Variants in TSHZ2 observed in about 807,000 individuals in gnomAD.
TSHZ2 encodes teashirt homolog 2.
A neutral mutation model predicts 74.4 loss-of-function variants in TSHZ2; 21 were observed. The ratio of observed to expected loss-of-function variants is 0.28; its 90% CI spans 0.20 to 0.41. The LOEUF (loss-of-function observed/expected upper bound fraction) is 0.41, where lower values mean the gene tolerates loss of function less well. Ranked by LOEUF, TSHZ2 falls within the 10% of genes least tolerant of loss-of-function variation. The pLI is 1.00. For synonymous variants in TSHZ2, 540 were observed against 515.3 expected (o/e 1.05, Z -0.65); for missense variants, 1,244 against 1,293.5 (o/e 0.96, Z 0.59).
chr20:53,186,651 C>T (rs1265407305), intron 1 of TSHZ2, among the ~76,000 whole-genome samples: 1 of 152,184 alleles, frequency 6.6e-6, no homozygotes, highest in Non-Finnish European at 1.5e-5. Flanking sequence ...TTTCTTTTCA[C>T]CTGCCTGCAG....
intron 1 of TSHZ2, among the ~76,000 whole-genome samples, chr20:53,190,551 C>A (rs1441773654): frequency 6.6e-6 from 1 of 152,050 alleles, no homozygotes; most frequent in Non-Finnish European, 1.5e-5. Flanking sequence ...ACTGTCGAGA[C>A]CTTTAAAAAT....
At chr20:53,305,963 G>A (rs1213717698) in intron 2 of TSHZ2, among the ~76,000 whole-genome samples, 1 of 147,032 alleles carries the variant, frequency 6.8e-6, no homozygotes, top group Non-Finnish European at 1.5e-5. Flanking sequence ...GGGCAGCAGA[G>A]CAAGACTCTG....
At chr20:53,448,067 C>T (rs1215932048) in intron 2 of TSHZ2, among the ~76,000 whole-genome samples, 2 of 152,070 alleles carry the variant, frequency 1.3e-5, no homozygotes, top group Non-Finnish European at 2.9e-5. Context: ...GCACCTGCCA[C>T]CATGCCCCGC....
intron 1 of TSHZ2, among the ~76,000 whole-genome samples, chr20:53,165,036 A>G (rs181825108): frequency 1.3e-5 from 2 of 152,132 alleles, no homozygotes; most frequent in East Asian, 1.9e-4. Flanking sequence ...GCAAACCATT[A>G]CACTTGTCAC....
At chr20:53,453,877 G>A (rs1302378797) in intron 2 of TSHZ2, among the ~76,000 whole-genome samples, 2 of 152,056 alleles carry the variant, frequency 1.3e-5, no homozygotes, top group Non-Finnish European at 2.9e-5. Context: ...ATGACAGACT[G>A]GTTTGGAAGA....
At chr20:53,356,993 G>A (rs1980870728) in intron 2 of TSHZ2, among the ~76,000 whole-genome samples, 1 of 151,952 alleles carries the variant, frequency 6.6e-6, no homozygotes, top group African/African-American at 2.4e-5. Flanking sequence ...TTTTCTCAAG[G>A]GACCTAAAGT....
chr20:53,022,461 G>T (rs1983279980), intron 1 of TSHZ2, among the ~76,000 whole-genome samples: 1 of 152,120 alleles, frequency 6.6e-6, no homozygotes, highest in Admixed American at 6.5e-5. Flanking sequence ...ATCAAATTGG[G>T]CCAAAGTTTC....
intron 2 of TSHZ2, among the ~76,000 whole-genome samples, chr20:53,466,759 G>T (rs1391564311): frequency 1.3e-5 from 2 of 152,222 alleles, no homozygotes; most frequent in East Asian, 3.9e-4. Context: ...TCTCTCCATT[G>T]TCAGGATGTT....
chr20:53,223,747 A>G (rs1326615902), intron 1 of TSHZ2, among the ~76,000 whole-genome samples: 1 of 152,090 alleles, frequency 6.6e-6, no homozygotes, highest in Non-Finnish European at 1.5e-5. Context: ...GAGATGAGAA[A>G]AGGATTGTTA....
At chr20:53,314,524 A>G (rs917277811) in intron 2 of TSHZ2, among the ~76,000 whole-genome samples, 3 of 151,972 alleles carry the variant, frequency 2.0e-5, no homozygotes, top group Non-Finnish European at 2.9e-5. Flanking sequence ...GAGGTCAAAG[A>G]AGTCCTCAGC....
chr20:53,018,491 G>A (rs1160694959), intron 1 of TSHZ2, among the ~76,000 whole-genome samples: 1 of 152,140 alleles, frequency 6.6e-6, no homozygotes, highest in African/African-American at 2.4e-5. Context: ...AAGGGGGAGG[G>A]CAGGACAGCA....
chr20:53,262,233 A>C (rs1440602249), intron 2 of TSHZ2, among the ~76,000 whole-genome samples: 1 of 151,492 alleles, frequency 6.6e-6, no homozygotes, highest in Non-Finnish European at 1.5e-5. Flanking sequence ...TCTTTTTTTA[A>C]CTATCAAGTT....
At chr20:53,471,452 G>A (rs918656752) in intron 2 of TSHZ2, among the ~76,000 whole-genome samples, 2 of 152,136 alleles carry the variant, frequency 1.3e-5, no homozygotes, top group Non-Finnish European at 1.5e-5. Flanking sequence ...TTATATATGC[G>A]ATGATGTGCT....
chr20:53,228,036 TTTG>T (rs1369994141), intron 1 of TSHZ2, among the ~76,000 whole-genome samples: 56 of 150,384 alleles, frequency 3.7e-4, no homozygotes, highest in African/African-American at 1.4e-3. Context: ...TTTTTTTTTT[TTTG>T]ATTCTGGTTT....
chr20:53,408,431 C>A (rs1982925604), intron 2 of TSHZ2, among the ~76,000 whole-genome samples: 2 of 152,178 alleles, frequency 1.3e-5, no homozygotes, highest in South Asian at 4.1e-4. Context: ...TCATTACTTA[C>A]TAGCAAAATG....
chr20:53,004,258 A>G (rs1264808697), intron 1 of TSHZ2, among the ~76,000 whole-genome samples: 1 of 152,098 alleles, frequency 6.6e-6, no homozygotes, highest in South Asian at 2.1e-4. Flanking sequence ...AGAAATACAA[A>G]TAGGAAAACA....
At chr20:53,343,733 C>A (rs1402604343) in intron 2 of TSHZ2, among the ~76,000 whole-genome samples, 3 of 152,274 alleles carry the variant, frequency 2.0e-5, no homozygotes, top group African/African-American at 7.2e-5. Flanking sequence ...GTAGCTCTCG[C>A]CACGAGGTGA....
At chr20:53,184,676 T>C (rs548056352) in intron 1 of TSHZ2, among the ~76,000 whole-genome samples, 1 of 152,268 alleles carries the variant, frequency 6.6e-6, no homozygotes, top group Admixed American at 6.5e-5. Context: ...TCTCTATTTT[T>C]CATTTTAATA....
chr20:53,097,477 T>A (rs530473552), intron 1 of TSHZ2, among the ~76,000 whole-genome samples: 3 of 152,178 alleles, frequency 2.0e-5, no homozygotes, highest in Non-Finnish European at 4.4e-5. Flanking sequence ...GTCTCAAGAC[T>A]CCTAGATCAC....
Sources: allele counts gnomAD v4.1 joint callset (sites outside exome capture counted in the v4.1 genomes callset), GRCh38; gene constraint gnomAD v4.1.1; transcripts MANE v1.5; gene names NCBI Gene and HGNC (gene_info 2026-07-23, HGNC 2026-07-21).